The following MEPE variants were observed in gnomAD, a reference collection of about 807,000 sequenced individuals.
The protein encoded by MEPE is matrix, extracellular phosphoglycoprotein with ASARM motif (bone).
In MEPE, 7 loss-of-function variants were observed where a neutral mutation model predicts 7.3. The observed-to-expected ratio is 0.95, with a 90% CI of 0.54 to 1.79. The LOEUF (loss-of-function observed/expected upper bound fraction) is 1.79. Ranked by LOEUF, MEPE falls within the 40% of genes most tolerant of loss-of-function variation. The pLI, the probability that MEPE is intolerant of heterozygous loss-of-function variation, is 0.00. For missense variants in MEPE, 623 were observed against 628.2 expected (o/e 0.99, Z 0.09); for synonymous variants, 214 against 213.1 (o/e 1.00, Z -0.04).
At position 87,838,649 on chromosome 4, in the gene MEPE, T is replaced by C. The variant is rs372276204; in HGVS notation, c.72T>C (p.Thr24=). 3.1e-6 allele frequency: 5 copies of C among 1,613,486 alleles called. No homozygotes were observed. The highest frequency in any genetic ancestry group is 4.2e-6 in the Non-Finnish European group (5 of 1,179,662). The change falls in exon 3 of 4, where the codon ACT becomes ACC. Residue 24 remains threonine (T), a synonymous_variant. Coordinates refer to ENST00000361056, the MANE Select transcript of MEPE (RefSeq NM_020203.6). ...CCTTTCAGACATTTCAACCACAGACTGAGAAAACTAAGCAAAGCTGTGTGG... is the reference window on the plus strand; with the variant it reads ...CCTTTCAGACATTTCAACCACAGACCGAGAAAACTAAGCAAAGCTGTGTGG... ...TWAAPTFQPQ[T]EKTKQSCVEE...
In MEPE at chr4:87,845,528, T is replaced by C. The variant is rs1409520061; in HGVS notation, c.660T>C (p.Ile220=). 12 of 1,612,808 alleles carry C rather than the reference T, an allele frequency of 7.4e-6. No homozygotes were observed. Among genetic ancestry groups the C allele is most frequent in the Non-Finnish European group, 1.0e-5 (12 of 1,179,700 alleles). The part of the protein sequence containing the change: ...SKSTHRIQHN[I]DYLKHLSKVK... ...GCACCCATCGTATTCAACACAACAT[T>C]GACTACCTAAAACATCTCTCAAAAG... The change falls in exon 4 of 4, where the codon ATT becomes ATC. Residue 220 remains isoleucine, a synonymous_variant. Transcript: ENST00000361056.
chr4:87,844,437 A>T (rs1001357292), intron 3 of MEPE, among the ~76,000 whole-genome samples: 1 of 152,138 alleles, frequency 6.6e-6, no homozygotes, highest in African/African-American at 2.4e-5. Context: ...TCATCCCATT[A>T]TTCTCCCAGG....
At chr4:87,831,729 C>A (rs1012327285), upstream of MEPE, among the ~76,000 whole-genome samples, 5 of 152,204 alleles carry the variant, frequency 3.3e-5, no homozygotes, top group Admixed American at 3.3e-4. Flanking sequence ...CATCTAATAC[C>A]CTTCTGACCT....
At chr4:87,828,913 G>GT (rs1342344696), upstream of MEPE, among the ~76,000 whole-genome samples, 1 of 151,970 alleles carries the variant, frequency 6.6e-6, no homozygotes, top group Non-Finnish European at 1.5e-5. Flanking sequence ...ATTTTTCTTT[G>GT]TTTTGTTTTG....
rs776728335 is a variant in MEPE at position 87,844,984 on chromosome 4, A to T, written c.116A>T (p.Glu39Val). Reference protein sequence around the residue: ...QSCVEEQRQEEKNKDNIGFHH... With the variant: ...QSCVEEQRQEVKNKDNIGFHH... ...TTGAAAATTGTATTTTAGCAGGAAG[A>T]AAAAAACAAAGACAATATTGGTTTT... The change falls in exon 4 of 4, where the codon GAA (glutamate) becomes GTA (valine). Residue 39 changes from glutamate (E) to valine (V), a missense_variant. Coordinates refer to ENST00000361056, the MANE Select transcript of MEPE (RefSeq NM_020203.6). 1.9e-6 allele frequency: 3 copies of T among 1,539,076 alleles called. No homozygotes were observed. Among genetic ancestry groups the T allele is most frequent in the African/African-American group, 1.4e-5 (1 of 71,806 alleles).
chr4:87,838,789 G>A (rs1722897564), intron 3 of MEPE, 104 bp downstream of exon 3: 3 of 971,154 alleles, frequency 3.1e-6, no homozygotes, highest in Non-Finnish European at 4.7e-6. Flanking sequence ...CACTTTGAAT[G>A]GAAGTGAAAA....
exon 1 of MEPE, chr4:87,821,465 T>C (rs1404791267): frequency 1.3e-5 from 2 of 152,152 alleles, no homozygotes; most frequent in Non-Finnish European, 2.9e-5. Context: ...GAGGAAAAGG[T>C]AGACTGGTAA....
chr4:87,832,123 G>T (rs115925342), upstream of MEPE, among the ~76,000 whole-genome samples: 2,193 of 151,860 alleles, frequency 0.014, 57 homozygotes, highest in African/African-American at 0.049. Context: ...AAGCAGAAGG[G>T]CAAAAAGGGA....
upstream of MEPE, among the ~76,000 whole-genome samples, chr4:87,830,833 A>G (rs4693879): frequency 0.51 from 76,466 of 149,456 alleles, 20,761 homozygotes; most frequent in Non-Finnish European, 0.61. Context: ...TAAAAAAAAA[A>G]AAAGAGAGAG....
intron 1 of MEPE, among the ~76,000 whole-genome samples, chr4:87,826,791 CT>C (rs1722481784): frequency 6.6e-6 from 1 of 151,982 alleles, no homozygotes; most frequent in South Asian, 2.1e-4. Context: ...TGTATGTCTT[CT>C]TTTCTAAAGT....
At chr4:87,838,105 G>A (rs140206951) in intron 2 of MEPE, among the ~76,000 whole-genome samples, 7 of 152,148 alleles carry the variant, frequency 4.6e-5, no homozygotes, top group African/African-American at 7.2e-5. Flanking sequence ...CCTTAATTGC[G>A]ATCCTACCAT....
upstream of MEPE, among the ~76,000 whole-genome samples, chr4:87,828,422 T>C (rs1176357070): frequency 6.6e-6 from 1 of 152,028 alleles, no homozygotes; most frequent in African/African-American, 2.4e-5. Flanking sequence ...GACAGAGAAA[T>C]GTGTTACCTT....
At chr4:87,829,781 A>C (rs1006275695), upstream of MEPE, among the ~76,000 whole-genome samples, 3 of 151,616 alleles carry the variant, frequency 2.0e-5, no homozygotes, top group African/African-American at 7.3e-5. Context: ...ATTCAGTCTC[A>C]GAGTTGGCTG....
chr4:87,843,997 T>C (rs1370945445), intron 3 of MEPE, among the ~76,000 whole-genome samples: 1 of 152,216 alleles, frequency 6.6e-6, no homozygotes, highest in Non-Finnish European at 1.5e-5. Flanking sequence ...TCACTTAGTA[T>C]AGTCTTGACT....
intron 3 of MEPE, 59 bp downstream of exon 3, chr4:87,838,744 TAAGAG>T: frequency 6.7e-7 from 1 of 1,496,438 alleles, no homozygotes; most frequent in Non-Finnish European, 9.2e-7. Context: ...AAAAAGTCAG[TAAGAG>T]AAAAGTGTAA....
chr4:87,833,600 T>A (rs937838220), intron 1 of MEPE, among the ~76,000 whole-genome samples: 2 of 152,168 alleles, frequency 1.3e-5, no homozygotes, highest in Non-Finnish European at 2.9e-5. Flanking sequence ...TTTTTTCCCA[T>A]AAAAACAAGT....
intron 1 of MEPE, among the ~76,000 whole-genome samples, chr4:87,824,941 A>G (rs754902217): frequency 1.6e-4 from 24 of 152,098 alleles, no homozygotes; most frequent in Non-Finnish European, 3.1e-4. Context: ...TCGACCTCCC[A>G]GGCTCAGGTG....
upstream of MEPE, among the ~76,000 whole-genome samples, chr4:87,830,835 A>AAAG (rs1553915132): frequency 0.065 from 9,836 of 151,412 alleles, 1,100 homozygotes; most frequent in African/African-American, 0.23. Context: ...AAAAAAAAAA[A>AAAG]AGAGAGAGTT....
chr4:87,846,323 G>T lies in MEPE; in HGVS notation c.1455G>T (p.Met485Ile). 3 of 1,614,104 alleles carry T rather than the reference G, an allele frequency of 1.9e-6. No individual in the cohort carries two copies. The highest frequency in any genetic ancestry group is 2.5e-6 in the Non-Finnish European group (3 of 1,179,976). Residue 485 changes from methionine to isoleucine, a missense_variant, in exon 4 of 4, where the codon ATG becomes ATT. Physicochemically the swap from Met to Ile is conservative, Grantham distance 10. Transcript: ENST00000361056. ...ATAATTCTACACGGAATAAGGGTAT[G>T]CCACAAGGGAAAGGCTCCTGGGGTA... ...RQNNSTRNKG[M>I]PQGKGSWGRQ...
Sources: allele counts gnomAD v4.1 joint callset (sites outside exome capture counted in the v4.1 genomes callset), GRCh38; gene constraint gnomAD v4.1.1; transcripts MANE v1.5; gene names NCBI Gene and HGNC (gene_info 2026-07-23, HGNC 2026-07-21).